Variants in FAS observed in about 807,000 individuals in gnomAD.
The protein encoded by FAS is tumor necrosis factor receptor superfamily member 6.
A neutral mutation model predicts 33.2 loss-of-function variants in FAS; 5 were observed. The ratio of observed to expected loss-of-function variants is 0.15; its 90% confidence interval spans 0.08 to 0.32. The LOEUF (loss-of-function observed/expected upper bound fraction) is 0.32, where lower values mean the gene tolerates loss of function less well. Among genes scored for constraint, FAS ranks in the 10% least tolerant of loss-of-function variants. FAS has a pLI of 1.00. For synonymous variants in FAS, 131 were observed against 130.7 expected, an observed-to-expected ratio of 1.00 and a Z score of -0.01; for missense variants, 339 against 386.0, an observed-to-expected ratio of 0.88 and a Z score of 1.02.
upstream of FAS, among the ~76,000 whole-genome samples, chr10:88,987,605 G>C (rs1188869899): frequency 6.6e-6 from 1 of 152,202 alleles, no homozygotes; most frequent in Non-Finnish European, 1.5e-5. Context: ...GAAAAAGAAA[G>C]GGTTTGTGTC....
chr10:88,987,739 G>T (rs987184189), upstream of FAS, among the ~76,000 whole-genome samples: 2 of 152,184 alleles, frequency 1.3e-5, no homozygotes, highest in African/African-American at 4.8e-5. Context: ...CAAGCCCTGG[G>T]ATTGGTACCA....
At chr10:88,973,436 T>C in intron 2 of FAS, 1 of 1,112,564 alleles carries the variant, frequency 9.0e-7, no homozygotes, top group Non-Finnish European at 1.2e-6. Context: ...CCATTATCTC[T>C]GCCTTTCCTT....
intron 1 of FAS, among the ~76,000 whole-genome samples, chr10:88,964,913 G>A (rs1846294207): frequency 6.6e-6 from 1 of 152,022 alleles, no homozygotes; most frequent in Non-Finnish European, 1.5e-5. Context: ...CTGCTCCTTT[G>A]CAACTTTCAC....
At chr10:88,991,004 A>T (rs1219487137) in intron 1 of FAS, 98 bp downstream of exon 1, 2 of 1,552,112 alleles carry the variant, frequency 1.3e-6, no homozygotes, top group Non-Finnish European at 1.8e-6. Flanking sequence ...TTGCGGCGGC[A>T]GCGGCGCACG....
intron 6 of FAS, 36 bp from the exon 7 acceptor site, chr10:89,011,963 G>C: frequency 6.4e-7 from 1 of 1,557,516 alleles, no homozygotes. Context: ...CTACAAGGCT[G>C]AGACCTGAGT....
intron 1 of FAS, among the ~76,000 whole-genome samples, chr10:89,002,338 G>A (rs1488408673): frequency 1.3e-5 from 2 of 152,134 alleles, no homozygotes; most frequent in Non-Finnish European, 2.9e-5. Context: ...TGTCACCTGG[G>A]TACTTGATGA....
At chr10:89,001,964 C>G (rs1456770793) in intron 1 of FAS, among the ~76,000 whole-genome samples, 1 of 152,188 alleles carries the variant, frequency 6.6e-6, no homozygotes, top group African/African-American at 2.4e-5. Context: ...TCCCAAGCTT[C>G]AGGGCAGGGC....
chr10:89,009,604 C>A (rs1485514297), intron 4 of FAS, among the ~76,000 whole-genome samples: 1 of 152,118 alleles, frequency 6.6e-6, no homozygotes, highest in Non-Finnish European at 1.5e-5. Context: ...GGTTTTGACC[C>A]AAAGTTAGAG....
In FAS at chr10:89,007,720, T is replaced by C. The variant is rs751654768; in HGVS notation, c.217T>C (p.Cys73Arg). 6.2e-7 allele frequency: 1 copy of C among 1,613,964 alleles called. No individual in the cohort carries two copies. Among genetic ancestry groups the C allele is most frequent in the South Asian group, 1.1e-5 (1 of 91,082 alleles). ...GGCAGGTGAAAGGAAAGCTAGGGAC[T>C]GCACAGTCAATGGGGATGAACCAGA... ...CPPGERKARD[C>R]TVNGDEPDCV... The change falls in exon 3 of 9, where the codon TGC (cysteine) becomes CGC (arginine). Residue 73 changes from cysteine (C) to arginine (R), a missense_variant. Physicochemically the swap from Cys to Arg is radical, Grantham distance 180 (BLOSUM62 -3). Coordinates refer to ENST00000652046, the MANE Select transcript of FAS (RefSeq NM_000043.6).
At chr10:88,999,168 T>TAAATAAAATA (rs879586985) in intron 1 of FAS, among the ~76,000 whole-genome samples, 1 of 67,732 alleles carries the variant, frequency 1.5e-5, no homozygotes, top group South Asian at 5.1e-4. Context: ...AATAAATAAA[T>TAAATAAAATA]AAATAAAATA....
chr10:88,973,262 A>T (rs543823339), exon 2 of FAS: 41 of 1,612,578 alleles, frequency 2.5e-5, no homozygotes, highest in Non-Finnish European at 3.4e-5. Flanking sequence ...GACCAAATGG[A>T]TTCCCACTCT....
intron 2 of FAS, among the ~76,000 whole-genome samples, chr10:88,981,428 G>A (rs1477366341): frequency 3.3e-5 from 5 of 151,328 alleles, no homozygotes; most frequent in Non-Finnish European, 5.9e-5. Context: ...TTCCATCGTC[G>A]TGATTTATAC....
upstream of FAS, among the ~76,000 whole-genome samples, chr10:88,987,616 C>T (rs1846942980): frequency 6.6e-6 from 1 of 152,132 alleles, no homozygotes; most frequent in Admixed American, 6.5e-5. Flanking sequence ...GGTTTGTGTC[C>T]CAGTGTTTCC....
chr10:88,964,920 T>G (rs1846294334), intron 1 of FAS, among the ~76,000 whole-genome samples: 1 of 152,164 alleles, frequency 6.6e-6, no homozygotes, highest in Admixed American at 6.6e-5. Flanking sequence ...TTTGCAACTT[T>G]CACTCCAAGC....
intron 2 of FAS, among the ~76,000 whole-genome samples, chr10:88,980,948 G>A (rs377563426): frequency 4.6e-5 from 7 of 152,250 alleles, no homozygotes; most frequent in African/African-American, 1.7e-4. Context: ...AAGGGATAAA[G>A]TGAGTCAGAG....
chr10:88,973,390 A>C (rs1846493285), intron 2 of FAS: 1 of 1,414,032 alleles, frequency 7.1e-7, no homozygotes, highest in Admixed American at 2.4e-5. Context: ...AAAATCTTTC[A>C]TAGAGTTCCC....
rs1313504411 is a variant in FAS, at chr10:89,015,708, A to G, written c.*1258A>G. 3 of 498,692 alleles carry G rather than the reference A, an allele frequency of 6.0e-6. No individual in the cohort carries two copies. Among genetic ancestry groups the G allele is most frequent in the Non-Finnish European group, 1.2e-5 (3 of 259,714 alleles). 30.9% of individuals were successfully genotyped at this position (498,692 alleles called of 1,614,324 possible). On this transcript the variant is annotated 3_prime_UTR_variant, in exon 9 of 9. Coordinates refer to ENST00000652046, the MANE Select transcript of FAS (RefSeq NM_000043.6). ...GGAACCACCTAAAGAACTTCCATTTATGGAGGATTTTTTTGCCCCTTGTGT... is the reference window on the plus strand; with the variant it reads ...GGAACCACCTAAAGAACTTCCATTTGTGGAGGATTTTTTTGCCCCTTGTGT...
In FAS at chr10:89,016,433, G is replaced by C. The variant is rs1254750215; in HGVS notation, c.*1983G>C. On this transcript the variant is annotated 3_prime_UTR_variant, in exon 9 of 9. Coordinates refer to ENST00000652046, the MANE Select transcript of FAS (RefSeq NM_000043.6). Reference sequence around the variant, plus strand: ...AGTTAGGTACTAGTTATTCTTCATGGCCAGAAGTGCAAGTTCTACTTTGCA... The same window carrying C: ...AGTTAGGTACTAGTTATTCTTCATGCCCAGAAGTGCAAGTTCTACTTTGCA... 1 of 221,310 alleles carries C rather than the reference G, an allele frequency of 4.5e-6. No individual in the cohort carries two copies. The highest frequency in any genetic ancestry group is 9.0e-6 in the Non-Finnish European group (1 of 110,702). 13.7% of individuals were successfully genotyped at this position (221,310 alleles called of 1,614,324 possible). A position where few individuals can be genotyped will look rare whatever the true frequency, so the allele number is the denominator to read the frequency against.
chr10:89,004,254 G>T (rs1848095442), intron 2 of FAS, among the ~76,000 whole-genome samples: 1 of 151,878 alleles, frequency 6.6e-6, no homozygotes, highest in South Asian at 2.1e-4. Flanking sequence ...TGCTTTTTCG[G>T]TTTTGCTTTG....
Sources: allele counts gnomAD v4.1 joint callset (sites outside exome capture counted in the v4.1 genomes callset), GRCh38; gene constraint gnomAD v4.1.1; transcripts MANE v1.5; gene names NCBI Gene and HGNC (gene_info 2026-07-23, HGNC 2026-07-21).